PRKX: variants seen among roughly 807,000 people sequenced by gnomAD.
PRKX encodes the protein cAMP-dependent protein kinase catalytic subunit PRKX.
A neutral mutation model predicts 22.0 loss-of-function variants in PRKX; 12 were observed. The ratio of observed to expected loss-of-function variants is 0.54; its 90% confidence interval spans 0.35 to 0.88. The LOEUF is 0.88. Among genes scored for constraint, PRKX ranks in the 40% least tolerant of loss-of-function variants. PRKX has a pLI of 0.01. For synonymous variants in PRKX, 134 were observed against 137.7 expected, an observed-to-expected ratio of 0.97 and a Z score of 0.19; for missense variants, 217 against 308.0, an observed-to-expected ratio of 0.70 and a Z score of 2.21.
intron 4 of PRKX, among the ~76,000 whole-genome samples, chrX:3,631,445 C>T (rs1188341241): frequency 9.5e-6 from 1 of 105,018 alleles, no homozygotes; most frequent in Non-Finnish European, 2.0e-5. Context: ...CCAGGGATGC[C>T]TGGAGCCCCC....
intron 7 of PRKX, among the ~76,000 whole-genome samples, chrX:3,615,422 C>T (rs1310453636): frequency 8.9e-6 from 1 of 111,750 alleles, no homozygotes; most frequent in Non-Finnish European, 1.9e-5. Context: ...TGGTGCTAGA[C>T]GCTTGCTTAT....
intron 5 of PRKX, among the ~76,000 whole-genome samples, chrX:3,623,192 T>A (rs1926594980): frequency 9.9e-6 from 1 of 100,550 alleles, no homozygotes; most frequent in Non-Finnish European, 2.1e-5. Flanking sequence ...GTGTGTCATG[T>A]AAGAAAACAA....
intron 3 of PRKX, among the ~76,000 whole-genome samples, chrX:3,654,060 TATA>T (rs1927421753): frequency 1.2e-5 from 1 of 83,318 alleles, no homozygotes; most frequent in East Asian, 3.4e-4. Context: ...TATTATATAG[TATA>T]ATATACTATA....
chrX:3,663,468 A>ACACAC (rs552837211), intron 2 of PRKX, among the ~76,000 whole-genome samples: 8 of 53,624 alleles, frequency 1.5e-4, no homozygotes, highest in Non-Finnish European at 2.2e-4. Context: ...ACACACACAC[A>ACACAC]AAAAAATTCA....
chrX:3,709,727 G>T (rs10156956), intron 1 of PRKX, among the ~76,000 whole-genome samples: 374 of 111,829 alleles, frequency 3.3e-3, no homozygotes, highest in African/African-American at 0.011. Flanking sequence ...CTGGTAGATG[G>T]CTGCACAGAT....
chrX:3,671,892 G>A lies in PRKX; in HGVS notation c.335+2706C>T, dbSNP rs185597233. ...AATCCCAGCATGTCAGGAGGCCAAG[G>A]CAAGTGGATTGCTTGCAGCCTAAAG... On this transcript the variant is annotated intron_variant, in intron 2 of 8. Coordinates refer to ENST00000262848, the MANE Select transcript of PRKX (RefSeq NM_005044.5). 3.9e-3 allele frequency among the ~76,000 whole-genome samples: 435 copies of A among 111,513 alleles called. 2 individuals are homozygous for A. Among genetic ancestry groups the A allele is most frequent in the African/African-American group, 0.013 (412 of 30,713 alleles).
chrX:3,693,437 C>T (rs777855585), intron 1 of PRKX, among the ~76,000 whole-genome samples: 5 of 111,176 alleles, frequency 4.5e-5, no homozygotes, highest in African/African-American at 1.6e-4. Context: ...TGGGCATCTA[C>T]GCAGTGAGTG....
chrX:3,611,599 T>C (rs1339302625), intron 8 of PRKX, among the ~76,000 whole-genome samples: 15 of 112,064 alleles, frequency 1.3e-4, no homozygotes, highest in Non-Finnish European at 3.8e-5. Context: ...TCAGTCATCT[T>C]AAATTAAAGC....
At chrX:3,635,873 G>A (rs1463040285) in intron 4 of PRKX, among the ~76,000 whole-genome samples, 1 of 111,871 alleles carries the variant, frequency 8.9e-6, no homozygotes, top group African/African-American at 3.3e-5. Context: ...TGACAGGCAT[G>A]AACCACCACG....
At chrX:3,654,117 T>C (rs1299550823) in intron 3 of PRKX, among the ~76,000 whole-genome samples, 17 of 88,262 alleles carry the variant, frequency 1.9e-4, no homozygotes, top group Non-Finnish European at 3.3e-4. Context: ...ACGTATAATA[T>C]ATACTATATA....
intron 1 of PRKX, among the ~76,000 whole-genome samples, chrX:3,700,823 C>G (rs1177699584): frequency 9.0e-6 from 1 of 111,093 alleles, no homozygotes; most frequent in Non-Finnish European, 1.9e-5. Flanking sequence ...TAGTCTCGAA[C>G]CCCTGGCCTC....
intron 4 of PRKX, among the ~76,000 whole-genome samples, chrX:3,630,333 G>A (rs1312975369): frequency 2.1e-5 from 2 of 96,856 alleles, no homozygotes; most frequent in Non-Finnish European, 4.5e-5. Flanking sequence ...GCCAAGGTGG[G>A]CGGATCACGA....
intron 3 of PRKX, among the ~76,000 whole-genome samples, chrX:3,645,268 G>T (rs1013142326): frequency 9.0e-6 from 1 of 110,937 alleles, no homozygotes; most frequent in African/African-American, 3.3e-5. Context: ...CTATGGCCGG[G>T]GGGAGGGGAG....
chrX:3,661,303 T>C (rs1927589134), intron 2 of PRKX, among the ~76,000 whole-genome samples: 1 of 111,879 alleles, frequency 8.9e-6, no homozygotes, highest in Admixed American at 9.6e-5. Context: ...TTCCTTCAAA[T>C]CTTTTATCAG....
chrX:3,710,744 A>C (rs1486859082), intron 1 of PRKX, among the ~76,000 whole-genome samples: 1 of 111,305 alleles, frequency 9.0e-6, no homozygotes, highest in Admixed American at 9.6e-5. Context: ...CCCTCTGCCC[A>C]CCCCCCAAAA....
chrX:3,615,886 C>T lies in PRKX; in HGVS notation c.880G>A (p.Ala294Thr). The stretch of plus-strand genomic sequence containing the variant: ...CACCGATGATGCTTCACATCATTCG[C>T]CCCGTTCTTCAAAAGAAACAACACA... ...TRRLGNMKNG[A>T]NDVKHHRWFR... The change falls in exon 7 of 9, where the codon GCG becomes ACG. Residue 294 changes from alanine (A) to threonine (T), a missense_variant. Transcript: ENST00000262848. The T allele has an allele frequency of 2.5e-6, 3 of 1,207,174 alleles. No homozygotes were observed. Among genetic ancestry groups the T allele is most frequent in the Non-Finnish European group, 3.4e-6 (3 of 892,826 alleles).
intron 5 of PRKX, among the ~76,000 whole-genome samples, 199 bp from the exon 6 acceptor site, chrX:3,621,515 G>A (rs762402898): frequency 1.3e-4 from 15 of 112,055 alleles, no homozygotes; most frequent in South Asian, 3.7e-4. Flanking sequence ...GGGTTGCCCC[G>A]TGCAAGGCTG....
At chrX:3,614,266 T>C (rs1420354970) in intron 7 of PRKX, among the ~76,000 whole-genome samples, 1 of 112,114 alleles carries the variant, frequency 8.9e-6, no homozygotes, top group Non-Finnish European at 1.9e-5. Context: ...TTTGGGAGAC[T>C]GAGGCTGGTG....
intron 4 of PRKX, among the ~76,000 whole-genome samples, chrX:3,635,282 G>A (rs1309792906): frequency 9.0e-6 from 1 of 111,436 alleles, no homozygotes; most frequent in African/African-American, 3.3e-5. Context: ...AATGCTCCCC[G>A]TGGAAGAGGC....
Sources: allele counts gnomAD v4.1 joint callset (sites outside exome capture counted in the v4.1 genomes callset), GRCh38; gene constraint gnomAD v4.1.1; transcripts MANE v1.5; gene names NCBI Gene and HGNC (gene_info 2026-07-23, HGNC 2026-07-21).